The following DLG2 variants were observed in gnomAD, a reference collection of about 807,000 sequenced individuals.
DLG2 encodes discs large MAGUK scaffold protein 2.
DLG2 carries 45 observed loss-of-function variants against 132.5 expected under a neutral mutation model. The ratio of observed to expected loss-of-function variants is 0.34; its 90% CI spans 0.27 to 0.44. DLG2 has a LOEUF of 0.44. Ranked by LOEUF, DLG2 falls within the 20% of genes least tolerant of loss-of-function variation. The pLI is 1.00. For missense variants in DLG2, 1,045 were observed against 1,196.9 expected (o/e 0.87, Z 1.87); for synonymous variants, 424 against 419.6 (o/e 1.01, Z -0.13).
intron 6 of DLG2, among the ~76,000 whole-genome samples, chr11:84,536,577 C>T (rs1319875800): frequency 6.6e-6 from 1 of 152,202 alleles, no homozygotes; most frequent in African/African-American, 2.4e-5. Flanking sequence ...CAGTTACGCC[C>T]ATTATGAGTG....
At chr11:85,331,583 C>T (rs1291007374) in intron 3 of DLG2, among the ~76,000 whole-genome samples, 3 of 152,094 alleles carry the variant, frequency 2.0e-5, no homozygotes, top group East Asian at 1.9e-4. Flanking sequence ...AAGCATAGTG[C>T]CTGATAGGTA....
intron 19 of DLG2, among the ~76,000 whole-genome samples, chr11:83,590,533 A>C (rs1268323972): frequency 6.6e-6 from 1 of 152,008 alleles, no homozygotes. Context: ...CCACAAGAGA[A>C]AGCAGGAAAG....
At chr11:83,723,848 C>T (rs1296645017) in intron 18 of DLG2, among the ~76,000 whole-genome samples, 1 of 151,368 alleles carries the variant, frequency 6.6e-6, no homozygotes, top group Non-Finnish European at 1.5e-5. Flanking sequence ...AGAGTGAGAT[C>T]ACATCTCAAA....
intron 6 of DLG2, among the ~76,000 whole-genome samples, chr11:85,083,088 T>G (rs1274734397): frequency 6.6e-6 from 1 of 152,150 alleles, no homozygotes; most frequent in Non-Finnish European, 1.5e-5. Flanking sequence ...ACCCTCCCTG[T>G]TGGAAGTGAG....
intron 6 of DLG2, among the ~76,000 whole-genome samples, chr11:84,624,813 C>CAGTTGACTCTCTTCTGAG (rs1169426361): frequency 4.1e-5 from 6 of 147,588 alleles, no homozygotes. Context: ...TCAAATAATA[C>CAGTTGACTCTCTTCTGAG]AGTTGACTCT....
At chr11:85,456,390 A>G (rs2153049666) in intron 3 of DLG2, among the ~76,000 whole-genome samples, 1 of 152,144 alleles carries the variant, frequency 6.6e-6, no homozygotes, top group East Asian at 1.9e-4. Context: ...CAGTCTATCT[A>G]TCTTACTTAT....
intron 6 of DLG2, among the ~76,000 whole-genome samples, chr11:84,800,909 A>T (rs1598410899): frequency 6.6e-6 from 1 of 152,270 alleles, no homozygotes; most frequent in East Asian, 1.9e-4. Flanking sequence ...GATTTATAAA[A>T]TCCATGATTT....
intron 7 of DLG2, among the ~76,000 whole-genome samples, chr11:84,425,710 C>T (rs1235393594): frequency 1.3e-5 from 2 of 152,064 alleles, no homozygotes; most frequent in African/African-American, 2.4e-5. Flanking sequence ...ACATTAAAAA[C>T]AGTCATAACA....
chr11:85,089,442 T>C (rs191475129), intron 6 of DLG2, among the ~76,000 whole-genome samples: 1 of 152,334 alleles, frequency 6.6e-6, no homozygotes, highest in East Asian at 1.9e-4. Context: ...GATACATATG[T>C]TTCTGTAAAG....
rs573080990 is a variant in DLG2 at position 84,808,137 on chromosome 11, G to C, written c.358-273406C>G. 4.1e-4 allele frequency among the ~76,000 whole-genome samples: 62 copies of C among 152,162 alleles called. 1 individual carries two copies. The highest frequency in any genetic ancestry group is 1.4e-3 in the African/African-American group (58 of 41,562). On this transcript the variant is annotated intron_variant, in intron 6 of 27. Coordinates refer to ENST00000376104, the MANE Select transcript of DLG2 (RefSeq NM_001142699.3). ...AATTTAAAATAACTTAAATCATAGAGAGTGTGTTATCTGACCAGAAAAAAG... is the reference window on the plus strand; with the variant it reads ...AATTTAAAATAACTTAAATCATAGACAGTGTGTTATCTGACCAGAAAAAAG...
intron 7 of DLG2, among the ~76,000 whole-genome samples, chr11:84,429,554 G>A (rs896957196): frequency 2.0e-5 from 3 of 152,162 alleles, no homozygotes; most frequent in African/African-American, 7.2e-5. Flanking sequence ...AAATAGGACA[G>A]AATTTATAAT....
At chr11:84,944,088 T>C (rs77106986) in intron 6 of DLG2, among the ~76,000 whole-genome samples, 12,841 of 152,238 alleles carry the variant, frequency 0.084, 795 homozygotes, top group Non-Finnish European at 0.11. Flanking sequence ...CCGAGAAATC[T>C]GCTGCCAGAT....
At chr11:84,251,697 C>T (rs1396838943) in intron 7 of DLG2, among the ~76,000 whole-genome samples, 1 of 137,198 alleles carries the variant, frequency 7.3e-6, no homozygotes, top group African/African-American at 2.7e-5. Context: ...GGCTGGAGTG[C>T]AGTGGTGCAA....
chr11:85,015,184 C>T (rs952835467), intron 6 of DLG2, among the ~76,000 whole-genome samples: 3 of 152,046 alleles, frequency 2.0e-5, no homozygotes, highest in African/African-American at 4.8e-5. Context: ...TGAGTATCTC[C>T]CTTTGTAACA....
At chr11:84,459,190 TCTTC>T (rs1445956209) in intron 7 of DLG2, among the ~76,000 whole-genome samples, 3 of 150,676 alleles carry the variant, frequency 2.0e-5, no homozygotes, top group Admixed American at 6.6e-5. Context: ...GATTCGCATT[TCTTC>T]CTTCATCATA....
intron 6 of DLG2, among the ~76,000 whole-genome samples, chr11:85,058,252 A>G (rs1231346356): frequency 6.6e-6 from 1 of 151,578 alleles, no homozygotes; most frequent in South Asian, 2.1e-4. Flanking sequence ...CTTTAAATAT[A>G]TCACCAACAA....
rs181214272 is a variant in DLG2 at position 85,005,337 on chromosome 11, T to C, written c.357+106324A>G. Among the ~76,000 whole-genome samples, 212 of 152,256 alleles carry C rather than the reference T, an allele frequency of 1.4e-3. 1 individual carries two copies. The highest frequency in any genetic ancestry group is 2.2e-3 in the Non-Finnish European group (150 of 68,028). The stretch of plus-strand genomic sequence containing the variant: ...TTGGGCAGTATGGCCATTTTCACAA[T>C]ACTGATTCTTCCTATCCATGAGCAT... On this transcript the variant is annotated intron_variant, in intron 6 of 27. Transcript: ENST00000376104.
intron 3 of DLG2, among the ~76,000 whole-genome samples, chr11:85,486,983 T>G (rs903496653): frequency 4.7e-5 from 7 of 150,390 alleles, no homozygotes; most frequent in African/African-American, 1.7e-4. Context: ...ACATCTCCAC[T>G]AATAATCATA....
At chr11:84,400,196 G>A (rs1184569453) in intron 7 of DLG2, among the ~76,000 whole-genome samples, 1 of 152,168 alleles carries the variant, frequency 6.6e-6, no homozygotes, top group African/African-American at 2.4e-5. Context: ...TTTTAGGTTT[G>A]TCTAGTGCTT....
Sources: gnomAD v4.1 joint callset for allele counts (sites outside exome capture counted in the v4.1 genomes callset) on GRCh38, gnomAD v4.1.1 for gene constraint, MANE v1.5 for transcripts, NCBI Gene and HGNC (gene_info 2026-07-23, HGNC 2026-07-21) for gene names.